The following RPGR variants were observed in gnomAD, a reference collection of about 807,000 sequenced individuals.
RPGR encodes retinitis pigmentosa GTPase regulator, also known as X-linked retinitis pigmentosa GTPase regulator.
In RPGR, 10 loss-of-function variants were observed where a neutral mutation model predicts 56.3. That is an observed-to-expected ratio of 0.18 (90% confidence interval 0.11 to 0.30). RPGR has a LOEUF of 0.30. Among genes scored for constraint, RPGR ranks in the 10% least tolerant of loss-of-function variants. The pLI, the probability that RPGR is intolerant of heterozygous loss-of-function variation, is 1.00. For missense variants in RPGR, 538 were observed against 590.9 expected (o/e 0.91, Z 0.93); for synonymous variants, 197 against 212.9 (o/e 0.93, Z 0.65).
intron 15 of RPGR, among the ~76,000 whole-genome samples, chrX:38,278,521 G>A (rs2066976833): frequency 8.9e-6 from 1 of 112,374 alleles, no homozygotes; most frequent in Non-Finnish European, 1.9e-5. Flanking sequence ...GATTACAAGC[G>A]TGAGCCACCA....
At chrX:38,310,367 G>A (rs1484756218) in intron 7 of RPGR, among the ~76,000 whole-genome samples, 1 of 111,119 alleles carries the variant, frequency 9.0e-6, no homozygotes, top group East Asian at 2.8e-4. Context: ...AGGGGAGGCC[G>A]GAAAGACGAG....
At chrX:38,315,862 A>G (rs1359772004) in intron 6 of RPGR, among the ~76,000 whole-genome samples, 1 of 95,991 alleles carries the variant, frequency 1.0e-5, no homozygotes, top group Non-Finnish European at 2.1e-5. Flanking sequence ...GAGAGAGAGT[A>G]CCCACTAAAC....
chrX:38,278,608 A>G (rs1182981590), intron 15 of RPGR, among the ~76,000 whole-genome samples: 1 of 112,666 alleles, frequency 8.9e-6, no homozygotes, highest in Non-Finnish European at 1.9e-5. Flanking sequence ...TGGGTAGCTA[A>G]AATTATCAGA....
At chrX:38,325,184 A>AC (rs1410334610) in intron 1 of RPGR, among the ~76,000 whole-genome samples, 1 of 108,603 alleles carries the variant, frequency 9.2e-6, no homozygotes, top group Non-Finnish European at 1.9e-5. Context: ...AAAAAAAAAA[A>AC]AAAAAAAAGT....
At chrX:38,314,552 C>T (rs7064194) in intron 6 of RPGR, among the ~76,000 whole-genome samples, 4,906 of 111,286 alleles carry the variant, frequency 0.044, 284 homozygotes, top group African/African-American at 0.15. Flanking sequence ...TGTACTACAC[C>T]TAATTCAGTG....
In RPGR at chrX:38,269,907, C is replaced by A. The variant is rs752092976; in HGVS notation, c.2242-75G>T. The A allele has an allele frequency of 3.3e-5, 23 of 702,036 alleles. No homozygotes were observed. In the East Asian group the frequency reaches 6.8e-4, roughly 21 times the overall value. 57.9% of individuals were successfully genotyped at this position (702,036 alleles called of 1,213,427 possible). On this transcript the variant is annotated intron_variant, in intron 18 of 18. Coordinates refer to ENST00000642395, the MANE Select transcript of RPGR (RefSeq NM_000328.3). ...TCACTTAACAGTATTTAGGGGATAT[C>A]ATTTTCAACACGTAAGAACATGATT...
At chrX:38,306,999 G>C (rs2067615770) in intron 7 of RPGR, among the ~76,000 whole-genome samples, 1 of 112,818 alleles carries the variant, frequency 8.9e-6, no homozygotes, top group Non-Finnish European at 1.9e-5. Context: ...TAGGAAAATA[G>C]ATTTGATCAG....
intron 15 of RPGR, chrX:38,286,910 C>A (rs2147199769): frequency 1.7e-6 from 2 of 1,207,852 alleles, no homozygotes; most frequent in South Asian, 3.5e-5. Context: ...TCCTTCTCTG[C>A]TAGTTCCTTC....
intron 11 of RPGR, among the ~76,000 whole-genome samples, chrX:38,296,586 A>G (rs2067390074): frequency 3.6e-5 from 4 of 111,815 alleles, no homozygotes; most frequent in Admixed American, 9.5e-5. Context: ...AATATTAATC[A>G]TAACAACATT....
chrX:38,276,477 C>T (rs1166419428), intron 16 of RPGR: 2 of 746,208 alleles, frequency 2.7e-6, no homozygotes, highest in African/African-American at 2.1e-5. Flanking sequence ...TTCATGTATT[C>T]ATGGGAGTAT....
intron 9 of RPGR, among the ~76,000 whole-genome samples, 166 bp from the exon 10 acceptor site, chrX:38,299,307 T>A (rs1174786920): frequency 8.9e-6 from 1 of 112,514 alleles, no homozygotes; most frequent in East Asian, 2.8e-4. Context: ...TGAGAATGTG[T>A]ACACAATATG....
At chrX:38,307,372 T>G (rs2067624411) in intron 7 of RPGR, among the ~76,000 whole-genome samples, 1 of 112,325 alleles carries the variant, frequency 8.9e-6, no homozygotes, top group African/African-American at 3.2e-5. Context: ...ATCACGGTCA[T>G]GTGCAAATAT....
In RPGR at chrX:38,321,005, T is replaced by C. The variant is rs758281616; in HGVS notation, c.310+22A>G. On this transcript the variant is annotated intron_variant, in intron 4 of 18. Coordinates refer to ENST00000642395, the MANE Select transcript of RPGR (RefSeq NM_000328.3). The stretch of plus-strand genomic sequence containing the variant: ...TCAGTTCTCAAAGTCAGGCAGGAAA[T>C]CATACAGGTTGAGCACTATACCTGT... 18 of 1,156,453 alleles carry C rather than the reference T, an allele frequency of 1.6e-5. No individual in the cohort carries two copies. In the South Asian group the frequency reaches 3.2e-4, roughly 21 times the overall value.
chrX:38,303,983 T>A (rs1282661819), intron 8 of RPGR, among the ~76,000 whole-genome samples: 2 of 112,555 alleles, frequency 1.8e-5, no homozygotes, highest in African/African-American at 6.5e-5. Context: ...ATCAATTACC[T>A]ACATATATGT....
At chrX:38,285,646 T>C in intron 15 of RPGR, 8 of 1,211,834 alleles carry the variant, frequency 6.6e-6, no homozygotes, top group Non-Finnish European at 8.9e-6. Context: ...TTTGGACCTC[T>C]GCTCTTTCCC....
chrX:38,301,362 A>C lies in RPGR; in HGVS notation c.944T>G (p.Leu315Arg), dbSNP rs1195807841. 2 of 1,206,180 alleles carry C rather than the reference A, an allele frequency of 1.7e-6. No individual in the cohort carries two copies. Among genetic ancestry groups the C allele is most frequent in the Non-Finnish European group, 2.2e-6 (2 of 890,614 alleles). Reference sequence around the variant, plus strand: ...GCGACCATCTCCAAAAGTATACATAAGGCCGATATCTAAAATGCAAAAATA... The same window carrying C: ...GCGACCATCTCCAAAAGTATACATACGGCCGATATCTAAAATGCAAAAATA... The change falls in exon 9 of 19, where the codon CTT becomes CGT. Residue 315 changes from leucine to arginine, a missense_variant. Leu to Arg is a moderately radical substitution (Grantham distance 102). This residue lies in a region of RPGR where 181 missense variants were observed against 265.1 expected (regional missense o/e 0.68). Coordinates refer to ENST00000642395, the MANE Select transcript of RPGR (RefSeq NM_000328.3).
chrX:38,320,180 G>A (rs1251607053), intron 4 of RPGR, among the ~76,000 whole-genome samples: 1 of 72,467 alleles, frequency 1.4e-5, no homozygotes, highest in African/African-American at 5.6e-5. Context: ...AAGAGAAAGA[G>A]AAAAGACACT....
intron 6 of RPGR, among the ~76,000 whole-genome samples, chrX:38,315,434 G>C (rs1452019588): frequency 8.9e-6 from 1 of 111,998 alleles, no homozygotes; most frequent in African/African-American, 3.2e-5. Flanking sequence ...GGAACTGGAA[G>C]TCATTACGTT....
chrX:38,271,073 A>G (rs1158264138), intron 18 of RPGR, among the ~76,000 whole-genome samples: 1 of 112,311 alleles, frequency 8.9e-6, no homozygotes, highest in Non-Finnish European at 1.9e-5. Context: ...TGGTAACACA[A>G]ATAATGGTTT....
Sources: gnomAD v4.1 joint callset for allele counts (sites outside exome capture counted in the v4.1 genomes callset) on GRCh38, gnomAD v4.1.1 for gene constraint, gnomAD v4.1.1 regional missense constraint, MANE v1.5 for transcripts, NCBI Gene and HGNC (gene_info 2026-07-23, HGNC 2026-07-21) for gene names.